Variants in AAK1 observed in about 807,000 individuals in gnomAD.
AAK1 encodes AP2 associated kinase 1, also known as AP2-associated protein kinase 1.
Under a neutral mutation model 116.0 loss-of-function variants are expected in AAK1, and 37 were observed. That is an observed-to-expected ratio of 0.32 (90% CI 0.25 to 0.42). AAK1 has a LOEUF of 0.42. AAK1 is among the 10% of genes least tolerant of loss of function. The pLI, the probability that AAK1 is intolerant of heterozygous loss-of-function variation, is 1.00. For missense variants in AAK1, 919 were observed against 1,170.6 expected (o/e 0.79, Z 3.14); for synonymous variants, 458 against 439.9 (o/e 1.04, Z -0.51).
chr2:69,575,587 G>C (rs1672280431), intron 2 of AAK1, among the ~76,000 whole-genome samples: 2 of 150,654 alleles, frequency 1.3e-5, no homozygotes, highest in African/African-American at 4.9e-5. Flanking sequence ...TCCTGCCTCA[G>C]CCTCCCAAGT....
intron 16 of AAK1, among the ~76,000 whole-genome samples, chr2:69,502,601 A>G (rs1676022762): frequency 1.3e-5 from 2 of 152,234 alleles, no homozygotes; most frequent in African/African-American, 4.8e-5. Flanking sequence ...AGCCTGGGCA[A>G]CAAGAGCAGA....
chr2:69,500,664 AATAT>A (rs34635707), intron 16 of AAK1, among the ~76,000 whole-genome samples: 798 of 60,834 alleles, frequency 0.013, 24 homozygotes, highest in East Asian at 0.1. Context: ...AGTCCCTTAA[AATAT>A]ATATATATAT....
chr2:69,593,605 T>C (rs1673130916), intron 2 of AAK1, among the ~76,000 whole-genome samples: 2 of 152,132 alleles, frequency 1.3e-5, no homozygotes, highest in Admixed American at 6.5e-5. Flanking sequence ...AGTAATTAAA[T>C]CTATGGGTGA....
At position 69,618,764 on chromosome 2, in the gene AAK1, G is replaced by T. The variant is rs555550356; in HGVS notation, c.163+24114C>A. 5.3e-5 allele frequency among the ~76,000 whole-genome samples: 8 copies of T among 152,152 alleles called. No homozygotes were observed. The South Asian group carries it at 1.7e-3, about 32-fold the overall frequency. On this transcript the variant is annotated intron_variant, in intron 2 of 21. Coordinates refer to ENST00000409085, the MANE Select transcript of AAK1 (RefSeq NM_014911.5). ...ACTTATTCCTAAACTGCAGCCTCCA[G>T]ATTTCTTCACGACACTGACCTTTGG...
intron 10 of AAK1, among the ~76,000 whole-genome samples, chr2:69,521,872 G>A (rs553019906): frequency 6.6e-6 from 1 of 152,358 alleles, no homozygotes; most frequent in East Asian, 1.9e-4. Flanking sequence ...ATGGTGATGT[G>A]GTTAGCTTGA....
chr2:69,477,111 G>A, intron 20 of AAK1, 121 bp from the exon 21 acceptor site: 2 of 570,976 alleles, frequency 3.5e-6, no homozygotes, highest in South Asian at 3.1e-5. Context: ...AAGGTGAAAG[G>A]ATTTATCTTT....
At chr2:69,497,311 T>TC (rs903846144) in intron 16 of AAK1, among the ~76,000 whole-genome samples, 4 of 140,988 alleles carry the variant, frequency 2.8e-5, no homozygotes, top group African/African-American at 1.1e-4. Context: ...TTTTTTTTTT[T>TC]TTTTTTTTTG....
At chr2:69,552,236 G>T (rs1671211726) in intron 3 of AAK1, among the ~76,000 whole-genome samples, 1 of 152,126 alleles carries the variant, frequency 6.6e-6, no homozygotes, top group African/African-American at 2.4e-5. Flanking sequence ...AGAAGGATAG[G>T]TACATAGATT....
chr2:69,604,804 C>A, intron 2 of AAK1, among the ~76,000 whole-genome samples: 1 of 152,156 alleles, frequency 6.6e-6, no homozygotes, highest in East Asian at 1.9e-4. Context: ...CCCAGCCTCT[C>A]TGCATGGAGT....
chr2:69,498,614 C>T (rs549825907), intron 16 of AAK1, among the ~76,000 whole-genome samples: 1 of 152,254 alleles, frequency 6.6e-6, no homozygotes, highest in East Asian at 1.9e-4. Context: ...ACAGCAGCCA[C>T]CTCTGCCACC....
intron 2 of AAK1, among the ~76,000 whole-genome samples, chr2:69,608,520 G>A (rs550653215): frequency 2.8e-4 from 43 of 152,250 alleles, no homozygotes; most frequent in African/African-American, 1.0e-3. Context: ...TTAAGTAAGT[G>A]GTTTTTAAAA....
chr2:69,500,698 T>TATATATATAA, intron 16 of AAK1, among the ~76,000 whole-genome samples: 1 of 65,102 alleles, frequency 1.5e-5, no homozygotes, highest in Non-Finnish European at 2.6e-5. Flanking sequence ...TATATATATA[T>TATATATATAA]ACACACACAC....
chr2:69,503,824 T>A (rs182481161), intron 16 of AAK1, among the ~76,000 whole-genome samples: 4 of 152,200 alleles, frequency 2.6e-5, no homozygotes, highest in Admixed American at 2.6e-4. Flanking sequence ...CCTGTAATAA[T>A]TTTTAAAAAT....
chr2:69,643,405 G>A (rs1390479424), intron 1 of AAK1, 131 bp from the exon 2 acceptor site: 2 of 1,176,126 alleles, frequency 1.7e-6, no homozygotes, highest in African/African-American at 3.2e-5. Flanking sequence ...GAGAAAAACC[G>A]TGGGGCTGAA....
intron 2 of AAK1, among the ~76,000 whole-genome samples, chr2:69,637,264 C>G (rs2105269741): frequency 6.6e-6 from 1 of 152,316 alleles, no homozygotes; most frequent in South Asian, 2.1e-4. Context: ...CTCCCCAACC[C>G]ACAAAATTGT....
At chr2:69,498,467 A>G (rs1412168645) in intron 16 of AAK1, among the ~76,000 whole-genome samples, 1 of 151,922 alleles carries the variant, frequency 6.6e-6, no homozygotes, top group Non-Finnish European at 1.5e-5. Context: ...ACCCACCTCT[A>G]TTCCACATTT....
chr2:69,520,197 A>C (rs1669700023), intron 11 of AAK1: 1 of 217,152 alleles, frequency 4.6e-6, no homozygotes, highest in African/African-American at 2.3e-5. Flanking sequence ...TTTAAAGGCA[A>C]AGGGAAATAT....
intron 2 of AAK1, among the ~76,000 whole-genome samples, chr2:69,635,234 A>C (rs1212788235): frequency 1.3e-5 from 2 of 152,242 alleles, no homozygotes; most frequent in Middle Eastern, 3.2e-3. Context: ...ATACAAATCA[A>C]AAGTATAAGA....
At chr2:69,492,136 C>T (rs17036664) in intron 17 of AAK1, among the ~76,000 whole-genome samples, 12,640 of 152,076 alleles carry the variant, frequency 0.083, 1,191 homozygotes, top group African/African-American at 0.21. Context: ...GGTACTTGTA[C>T]GTGAAATCAT....
Sources: gnomAD v4.1 joint callset for allele counts (sites outside exome capture counted in the v4.1 genomes callset) on GRCh38, gnomAD v4.1.1 for gene constraint, MANE v1.5 for transcripts, NCBI Gene and HGNC (gene_info 2026-07-23, HGNC 2026-07-21) for gene names.